CFAP20DC: variants seen among roughly 807,000 people sequenced by gnomAD.
The protein encoded by CFAP20DC is CFAP20 domain containing, also known as protein CFAP20DC.
CFAP20DC carries 84 observed loss-of-function variants against 101.7 expected under a neutral mutation model. The ratio of observed to expected loss-of-function variants is 0.83; its 90% confidence interval spans 0.69 to 0.99. The LOEUF is 0.99. Ranked by LOEUF, CFAP20DC falls within the 50% of genes least tolerant of loss-of-function variation. The pLI, the probability that CFAP20DC is intolerant of heterozygous loss-of-function variation, is 0.00. For missense variants in CFAP20DC, 1,007 were observed against 970.3 expected, an observed-to-expected ratio of 1.04 and a Z score of -0.50; for synonymous variants, 359 against 351.2, an observed-to-expected ratio of 1.02 and a Z score of -0.25.
chr3:58,824,046 A>T lies in CFAP20DC; in HGVS notation c.2175+7640T>A, dbSNP rs538779112. ...TCAATATTTCCTCCTGACAGTACAG[A>T]TACTGTCTCTATTGTCACTATTACA... On this transcript the variant is annotated intron_variant, in intron 14 of 16. Transcript: ENST00000482387. 5.2e-4 allele frequency among the ~76,000 whole-genome samples: 79 copies of T among 152,268 alleles called. 1 individual carries two copies. The highest frequency in any genetic ancestry group is 1.9e-3 in the African/African-American group (77 of 41,560).
At chr3:58,853,755 G>A (rs999139132) in intron 12 of CFAP20DC, among the ~76,000 whole-genome samples, 2 of 152,154 alleles carry the variant, frequency 1.3e-5, no homozygotes, top group African/African-American at 4.8e-5. Flanking sequence ...CTCAATAGAT[G>A]CAGAAAAGGC....
intron 4 of CFAP20DC, among the ~76,000 whole-genome samples, chr3:58,967,776 G>A (rs764077047): frequency 6.6e-5 from 10 of 152,154 alleles, no homozygotes; most frequent in Non-Finnish European, 1.3e-4. Context: ...CTCATGTCAT[G>A]GGGGTTTGTT....
chr3:59,018,600 A>G (rs1391798358), intron 4 of CFAP20DC: 1 of 152,094 alleles, frequency 6.6e-6, no homozygotes, highest in Non-Finnish European at 1.5e-5. Context: ...AAACTCAATT[A>G]AGGGGCATTC....
intron 4 of CFAP20DC, among the ~76,000 whole-genome samples, chr3:58,979,629 A>ACC (rs1184342040): frequency 2.0e-5 from 3 of 152,164 alleles, no homozygotes; most frequent in Non-Finnish European, 4.4e-5. Flanking sequence ...TATTGATCCT[A>ACC]CCTTAAGCAA....
intron 13 of CFAP20DC, among the ~76,000 whole-genome samples, chr3:58,846,876 C>T (rs1244166352): frequency 3.3e-5 from 5 of 150,758 alleles, no homozygotes; most frequent in East Asian, 1.9e-4. Context: ...CTACAATTAT[C>T]TGATCTTTGA....
At chr3:58,877,657 T>C (rs1328400056) in intron 7 of CFAP20DC, among the ~76,000 whole-genome samples, 3 of 152,276 alleles carry the variant, frequency 2.0e-5, no homozygotes, top group East Asian at 3.9e-4. Flanking sequence ...AAATTACATA[T>C]GATGATGCCC....
At chr3:58,760,673 G>T (rs1298494894) in intron 15 of CFAP20DC, among the ~76,000 whole-genome samples, 1 of 152,136 alleles carries the variant, frequency 6.6e-6, no homozygotes, top group African/African-American at 2.4e-5. Flanking sequence ...CTGTGGGATT[G>T]TCATAAATAG....
intron 14 of CFAP20DC, among the ~76,000 whole-genome samples, chr3:58,807,150 A>C (rs2074150608): frequency 6.6e-6 from 1 of 152,186 alleles, no homozygotes; most frequent in Non-Finnish European, 1.5e-5. Flanking sequence ...GGGCACAGAC[A>C]AAAAGACAGC....
Position 58,884,605 on chromosome 3 carries a change from T to C in CFAP20DC, c.655A>G (p.Thr219Ala). The C allele has an allele frequency of 6.2e-7, 1 of 1,614,064 alleles. No individual in the cohort carries two copies. Among genetic ancestry groups the C allele is most frequent in the Non-Finnish European group, 8.5e-7 (1 of 1,179,942 alleles). Reference sequence around the variant, plus strand: ...TTTATTTCAGTTTGGCGAAGTTTAGTCATGTTTAGCAGCTGTGTGACATGT... The same window carrying C: ...TTTATTTCAGTTTGGCGAAGTTTAGCCATGTTTAGCAGCTGTGTGACATGT... ...VPHVTQLLNM[T>A]KLRQTEIKFG... The change falls in exon 7 of 17, where the codon ACT becomes GCT. Residue 219 changes from threonine (T) to alanine (A), a missense_variant. Coordinates refer to ENST00000482387, the MANE Select transcript of CFAP20DC (RefSeq NM_001394063.1).
chr3:58,768,289 A>G (rs2070510828), intron 15 of CFAP20DC, among the ~76,000 whole-genome samples: 1 of 152,202 alleles, frequency 6.6e-6, no homozygotes. Flanking sequence ...TTCCTGTCAC[A>G]TGGAGGAAGC....
At chr3:58,909,269 A>G (rs1213722875) in intron 6 of CFAP20DC, among the ~76,000 whole-genome samples, 1 of 152,140 alleles carries the variant, frequency 6.6e-6, no homozygotes, top group Non-Finnish European at 1.5e-5. Context: ...GACATGATGA[A>G]AACTCTATAC....
At chr3:59,020,549 G>C (rs78733995) in intron 4 of CFAP20DC, among the ~76,000 whole-genome samples, 10,643 of 152,010 alleles carry the variant, frequency 0.07, 706 homozygotes, top group East Asian at 0.38. Context: ...AATAATGTGT[G>C]TGTGTGTGTG....
At chr3:58,792,081 G>A (rs1426739536) in intron 15 of CFAP20DC, among the ~76,000 whole-genome samples, 1 of 152,094 alleles carries the variant, frequency 6.6e-6, no homozygotes, top group Non-Finnish European at 1.5e-5. Context: ...AACAACTTTT[G>A]CTACATATAT....
intron 15 of CFAP20DC, among the ~76,000 whole-genome samples, chr3:58,794,872 G>A (rs1236659165): frequency 6.6e-6 from 1 of 152,152 alleles, no homozygotes; most frequent in African/African-American, 2.4e-5. Flanking sequence ...CTGAAAGTAT[G>A]AGCTACAATA....
At chr3:58,969,451 C>T (rs1336905319) in intron 4 of CFAP20DC, among the ~76,000 whole-genome samples, 1 of 152,106 alleles carries the variant, frequency 6.6e-6, no homozygotes, top group African/African-American at 2.4e-5. Flanking sequence ...CCATATGACC[C>T]AGCAATTTCA....
At chr3:58,890,745 C>T (rs868758588) in intron 6 of CFAP20DC, among the ~76,000 whole-genome samples, 74 of 144,016 alleles carry the variant, frequency 5.1e-4, no homozygotes, top group African/African-American at 1.6e-3. Context: ...ACCTCCCAGA[C>T]GGGGTTGCGG....
chr3:58,863,116 T>G lies in CFAP20DC; in HGVS notation c.1593+442A>C, dbSNP rs2079388369. 1 of 1,021,530 alleles carries G rather than the reference T, an allele frequency of 9.8e-7. No individual in the cohort carries two copies. Among genetic ancestry groups the G allele is most frequent in the African/African-American group, 1.7e-5 (1 of 58,372 alleles). 63.3% of individuals were successfully genotyped at this position (1,021,530 alleles called of 1,614,324 possible). On this transcript the variant is annotated intron_variant, in intron 12 of 16. Coordinates refer to ENST00000482387, the MANE Select transcript of CFAP20DC (RefSeq NM_001394063.1). The surrounding 1 kb of genome is among the most constrained non-coding windows in gnomAD (Gnocchi z 5.9). ...GGACCATATGGAAAATAATGAGTCC[T>G]AATAGGTCTAAGGTGAAAAGATGGC...
chr3:58,809,757 T>C (rs991325294), intron 14 of CFAP20DC, among the ~76,000 whole-genome samples: 8 of 151,930 alleles, frequency 5.3e-5, no homozygotes, highest in Non-Finnish European at 8.8e-5. Flanking sequence ...AATTAATGAA[T>C]CCAGGAGCTG....
rs568445766 is a variant in CFAP20DC at position 58,782,065 on chromosome 3, AAATT to A, written c.2237+24326_2237+24329del. The stretch of plus-strand genomic sequence containing the variant: ...AACTGAATCCAACATTATATTAAAA[AAATT>A]AATATACAAAGATCAAGCGGGATTT... On this transcript the variant is annotated intron_variant, in intron 15 of 16. Coordinates refer to ENST00000482387, the MANE Select transcript of CFAP20DC (RefSeq NM_001394063.1). Among the ~76,000 whole-genome samples the A allele has an allele frequency of 4.2e-3, 638 of 152,228 alleles. 4 individuals carry two copies. Among genetic ancestry groups the A allele is most frequent in the Non-Finnish European group, 6.5e-3 (439 of 67,940 alleles).
Sources: gnomAD v4.1 joint callset for allele counts (sites outside exome capture counted in the v4.1 genomes callset) on GRCh38, gnomAD v4.1.1 for gene constraint, Gnocchi (gnomAD v3.1) non-coding constraint, MANE v1.5 for transcripts, NCBI Gene and HGNC (gene_info 2026-07-23, HGNC 2026-07-21) for gene names.